The following GUCY2F variants were observed in gnomAD, a reference collection of about 807,000 sequenced individuals.
The protein encoded by GUCY2F is guanylate cyclase 2F, retinal, also known as retinal guanylyl cyclase 2.
Under a neutral mutation model 73.1 loss-of-function variants are expected in GUCY2F, and 61 were observed. The ratio of observed to expected loss-of-function variants is 0.83; its 90% CI spans 0.68 to 1.03. The LOEUF is 1.03. Ranked by LOEUF, GUCY2F falls within the 50% of genes least tolerant of loss-of-function variation. The pLI, the probability that GUCY2F is intolerant of heterozygous loss-of-function variation, is 0.00. For missense variants in GUCY2F, 912 were observed against 854.3 expected (o/e 1.07, Z -0.84); for synonymous variants, 331 against 307.8 (o/e 1.08, Z -0.79).
chrX:109,429,108 C>T (rs1175734152), intron 8 of GUCY2F, among the ~76,000 whole-genome samples: 1 of 111,963 alleles, frequency 8.9e-6, no homozygotes, highest in East Asian at 2.8e-4. Flanking sequence ...ATTACAATCA[C>T]GTGTAAGAAA....
chrX:109,478,306 C>T (rs921793281), intron 1 of GUCY2F, among the ~76,000 whole-genome samples: 15 of 112,109 alleles, frequency 1.3e-4, no homozygotes, highest in African/African-American at 4.5e-4. Context: ...TTTTCTCTGC[C>T]ATGGCAAAAT....
intron 19 of GUCY2F, 113 bp downstream of exon 19, chrX:109,375,785 T>A (rs957600802): frequency 5.3e-6 from 3 of 561,966 alleles, no homozygotes; most frequent in African/African-American, 4.5e-5. Flanking sequence ...ATTCTCCAGC[T>A]CCATCACACT....
intron 8 of GUCY2F, among the ~76,000 whole-genome samples, chrX:109,418,738 A>G (rs1461360831): frequency 9.0e-6 from 1 of 111,424 alleles, no homozygotes; most frequent in East Asian, 2.8e-4. Flanking sequence ...AGAAAGAAGG[A>G]AATAATAACA....
chrX:109,425,332 TTGTTGTG>T (rs1931458074), intron 8 of GUCY2F, among the ~76,000 whole-genome samples: 1 of 102,617 alleles, frequency 9.7e-6, no homozygotes, highest in South Asian at 4.2e-4. Context: ...GATAAAGAAA[TTGTTGTG>T]TGTGTGTGTG....
intron 15 of GUCY2F, among the ~76,000 whole-genome samples, chrX:109,387,028 G>A (rs1056210196): frequency 1.8e-5 from 2 of 111,564 alleles, no homozygotes; most frequent in African/African-American, 3.3e-5. Flanking sequence ...CTGCCACCAA[G>A]GAGCTTAAAG....
At chrX:109,469,477 C>T (rs1932531442) in intron 2 of GUCY2F, among the ~76,000 whole-genome samples, 1 of 110,240 alleles carries the variant, frequency 9.1e-6, no homozygotes. Flanking sequence ...CTTGCTGCTG[C>T]TAAAGGAGTC....
intron 10 of GUCY2F, among the ~76,000 whole-genome samples, chrX:109,402,625 C>G (rs1025220899): frequency 9.0e-6 from 1 of 111,399 alleles, no homozygotes; most frequent in Non-Finnish European, 1.9e-5. Context: ...CCCACCTCAG[C>G]CTCCCAAGGT....
chrX:109,422,093 G>A (rs1005525227), intron 8 of GUCY2F, among the ~76,000 whole-genome samples: 1 of 111,636 alleles, frequency 9.0e-6, no homozygotes, highest in Non-Finnish European at 1.9e-5. Flanking sequence ...TTACTGAAAA[G>A]GAGGACAAAT....
intron 1 of GUCY2F, 93 bp from the exon 2 acceptor site, chrX:109,476,114 A>C (rs1932691528): frequency 2.6e-6 from 1 of 391,872 alleles, no homozygotes; most frequent in African/African-American, 2.6e-5. Context: ...AAAAAAAAAA[A>C]TGGCAGTGCC....
intron 15 of GUCY2F, among the ~76,000 whole-genome samples, chrX:109,388,073 A>G (rs1174620304): frequency 1.8e-5 from 2 of 111,279 alleles, no homozygotes; most frequent in African/African-American, 6.5e-5. Flanking sequence ...AGGAGCCTAG[A>G]AGAGCAGAGC....
intron 17 of GUCY2F, among the ~76,000 whole-genome samples, chrX:109,377,621 CCTTGTGCA>C: frequency 9.0e-6 from 1 of 111,730 alleles, no homozygotes; most frequent in Non-Finnish European, 1.9e-5. Flanking sequence ...AACTCTCAGC[CCTTGTGCA>C]CTTGGAATAC....
At chrX:109,432,269 T>C (rs1931633810) in intron 7 of GUCY2F, among the ~76,000 whole-genome samples, 2 of 112,097 alleles carry the variant, frequency 1.8e-5, no homozygotes, top group Admixed American at 1.9e-4. Flanking sequence ...CACACTCTCT[T>C]CATTTACCTC....
At chrX:109,467,128 T>C (rs1394242334) in intron 2 of GUCY2F, among the ~76,000 whole-genome samples, 2 of 112,498 alleles carry the variant, frequency 1.8e-5, no homozygotes, top group East Asian at 5.5e-4. Context: ...TCAGCCTCAC[T>C]TGTTTATAAT....
intron 1 of GUCY2F, 138 bp downstream of exon 1, chrX:109,481,720 TTTCCTTCA>T (rs1047463533): frequency 3.6e-5 from 4 of 110,772 alleles, no homozygotes; most frequent in African/African-American, 1.3e-4. Context: ...TCTTTCCTTC[TTTCCTTCA>T]TTCTTTAAAT....
intron 6 of GUCY2F, 27 bp downstream of exon 6, chrX:109,448,042 G>T: frequency 1.4e-6 from 1 of 710,290 alleles, no homozygotes; most frequent in Non-Finnish European, 2.3e-6. Flanking sequence ...GTTGGACAGG[G>T]CAGCAAAAGA....
intron 11 of GUCY2F, 81 bp downstream of exon 11, chrX:109,398,468 G>T: frequency 1.1e-6 from 1 of 924,772 alleles, no homozygotes; most frequent in Non-Finnish European, 1.5e-6. Flanking sequence ...ACACTCTTCT[G>T]GAAAATCATG....
intron 12 of GUCY2F, among the ~76,000 whole-genome samples, chrX:109,394,943 G>A (rs1410894533): frequency 8.9e-6 from 1 of 112,145 alleles, no homozygotes; most frequent in African/African-American, 3.2e-5. Context: ...ACTCATGAGA[G>A]TTCTCTGGTA....
chrX:109,471,721 G>T (rs1383245315), intron 2 of GUCY2F, among the ~76,000 whole-genome samples: 6 of 112,494 alleles, frequency 5.3e-5, no homozygotes, highest in Non-Finnish European at 1.1e-4. Flanking sequence ...GGGAGAGGCT[G>T]AATCCCCCTA....
intron 7 of GUCY2F, among the ~76,000 whole-genome samples, chrX:109,438,609 A>G (rs1296837630): frequency 8.8e-6 from 1 of 113,041 alleles, no homozygotes. Context: ...CCATGTTCCA[A>G]TTCCCAGACA....
Sources: gnomAD v4.1 joint callset for allele counts (sites outside exome capture counted in the v4.1 genomes callset) on GRCh38, gnomAD v4.1.1 for gene constraint, MANE v1.5 for transcripts, NCBI Gene and HGNC (gene_info 2026-07-23, HGNC 2026-07-21) for gene names.